Variants in HECTD4 observed in about 807,000 individuals in gnomAD.
The protein encoded by HECTD4 is probable E3 ubiquitin-protein ligase HECTD4.
Under a neutral mutation model 471.5 loss-of-function variants are expected in HECTD4, and 114 were observed. The ratio of observed to expected loss-of-function variants is 0.24; its 90% CI spans 0.21 to 0.28. The LOEUF is 0.28. Ranked by LOEUF, HECTD4 falls within the 10% of genes least tolerant of loss-of-function variation. The pLI is 1.00. For missense variants in HECTD4, 3,866 were observed against 5,651.5 expected (o/e 0.68, Z 10.13); for synonymous variants, 2,012 against 2,256.0 (o/e 0.89, Z 3.07).
At chr12:112,331,967 C>A (rs1005991390) in intron 1 of HECTD4, among the ~76,000 whole-genome samples, 5 of 151,888 alleles carry the variant, frequency 3.3e-5, no homozygotes, top group African/African-American at 1.2e-4. Flanking sequence ...AGAGTGTGTC[C>A]AGAAGAAGAT....
chr12:112,169,405 G>C (rs1253377527), intron 70 of HECTD4, 98 bp downstream of exon 70: 1 of 1,307,044 alleles, frequency 7.7e-7, no homozygotes, highest in African/African-American at 1.5e-5. Context: ...TGAGGATGTG[G>C]CTTTTACTCT....
intron 8 of HECTD4, among the ~76,000 whole-genome samples, chr12:112,280,117 A>G (rs1422915109): frequency 6.6e-6 from 1 of 152,198 alleles, no homozygotes; most frequent in East Asian, 1.9e-4. Context: ...AACTCATAAT[A>G]AACAGCTTTC....
At chr12:112,280,190 T>C (rs2034606545) in intron 8 of HECTD4, among the ~76,000 whole-genome samples, 1 of 152,214 alleles carries the variant, frequency 6.6e-6, no homozygotes, top group African/African-American at 2.4e-5. Context: ...CACAAAACAA[T>C]TTTATAGCTG....
chr12:112,239,253 G>GATTAC lies in HECTD4; in HGVS notation c.5106-22_5106-18dup. On this transcript the variant is annotated splice_polypyrimidine_tract_variant and intron_variant, in intron 33 of 75. Transcript: ENST00000682272. This position sits in a 1 kb window ranked among gnomAD's most constrained non-coding sequence, Gnocchi z 4.9. ...TCTTCGCTCCTGACAAAGGGTCATG[G>GATTAC]ATTACACTAGATAAACGTAACTGAC... The GATTAC allele has an allele frequency of 6.3e-7, 1 of 1,590,696 alleles. No homozygotes were observed. Among genetic ancestry groups the GATTAC allele is most frequent in the Non-Finnish European group, 8.6e-7 (1 of 1,167,838 alleles).
At position 112,163,772 on chromosome 12, in the gene HECTD4, C is replaced by T; in HGVS notation, c.12702-35G>A. On this transcript the variant is annotated intron_variant, in intron 73 of 75. Transcript: ENST00000682272. The surrounding 1 kb of genome is among the most constrained non-coding windows in gnomAD (Gnocchi z 8.2). ...TGAGGAGCACAGGTGAGGGAGAACACCGCCGAAGAGGCTGGGTCTGGGGGC... is the reference window on the plus strand; with the variant it reads ...TGAGGAGCACAGGTGAGGGAGAACATCGCCGAAGAGGCTGGGTCTGGGGGC... 7.0e-7 allele frequency: 1 copy of T among 1,418,530 alleles called. No individual in the cohort carries two copies. The highest frequency in any genetic ancestry group is 9.3e-7 in the Non-Finnish European group (1 of 1,080,356). 87.9% of individuals were successfully genotyped at this position (1,418,530 alleles called of 1,614,324 possible).
intron 1 of HECTD4, among the ~76,000 whole-genome samples, chr12:112,324,002 C>T (rs1379473730): frequency 1.4e-4 from 6 of 43,000 alleles, no homozygotes; most frequent in African/African-American, 1.3e-3. Flanking sequence ...TCCTTCCTTC[C>T]TTCCTTCCTT....
chr12:112,290,838 A>G (rs1335108934), intron 7 of HECTD4, among the ~76,000 whole-genome samples: 1 of 148,644 alleles, frequency 6.7e-6, no homozygotes, highest in African/African-American at 2.5e-5. Context: ...ACAAGAGCGA[A>G]ACTCCGTCTC....
Position 112,254,150 on chromosome 12 carries a change from C to T in HECTD4, c.3340G>A (p.Ala1114Thr), listed in dbSNP as rs1436305530. 1 of 1,613,696 alleles carries T rather than the reference C, an allele frequency of 6.2e-7. No homozygotes were observed. The highest frequency in any genetic ancestry group is 8.5e-7 in the Non-Finnish European group (1 of 1,179,798). ...QYDYDKLVIY[A>T]GPNTNSRKVA... ...TTCCTACTGTTTGTGTTAGGCCCCG[C>T]ATATATCACCAACTTCAAAACAGAA... is the stretch of plus-strand genomic sequence containing the variant. The change falls in exon 22 of 76, where the codon GCG becomes ACG. Residue 1114 changes from alanine to threonine, a missense_variant. Transcript: ENST00000682272.
chr12:112,208,759 T>G, intron 50 of HECTD4, 129 bp from the exon 51 acceptor site: 1 of 678,802 alleles, frequency 1.5e-6, no homozygotes, highest in Non-Finnish European at 2.2e-6. Flanking sequence ...CACTGAGGAA[T>G]GTTAAATCAC....
Position 112,193,068 on chromosome 12 carries a change from G to A in HECTD4, c.9079C>T (p.Arg3027Cys), listed in dbSNP as rs772567036. ...VSCKESQSGFRKDSSLYKAPW... is the reference protein window; with the variant it reads ...VSCKESQSGFCKDSSLYKAPW... ...TGAGAACAGGCAACTTACTCTTTGC[G>A]GAATCCAGATTGACTTTCTTTACAA... The change falls in exon 58 of 76, where the codon CGC becomes TGC. Residue 3027 changes from arginine to cysteine, a missense_variant. This residue lies in a region of HECTD4 where 364 missense variants were observed against 413.2 expected (regional missense o/e 0.88). Transcript: ENST00000682272. The surrounding 1 kb of genome is among the most constrained non-coding windows in gnomAD (Gnocchi z 5.2). 1.1e-5 allele frequency: 18 copies of A among 1,613,838 alleles called. No homozygotes were observed. The highest frequency in any genetic ancestry group is 6.7e-5 in the African/African-American group (5 of 74,898).
intron 40 of HECTD4, among the ~76,000 whole-genome samples, chr12:112,230,255 C>T (rs1009844823): frequency 2.0e-5 from 3 of 152,156 alleles, no homozygotes; most frequent in African/African-American, 4.8e-5. Context: ...CTTACAGATC[C>T]GTAGTTTCAG....
chr12:112,177,548 T>G (rs919806011), intron 64 of HECTD4, among the ~76,000 whole-genome samples: 7 of 152,050 alleles, frequency 4.6e-5, no homozygotes, highest in Admixed American at 2.0e-4. Flanking sequence ...CCCGGCTAAT[T>G]TTTTTGTATT....
Position 112,209,942 on chromosome 12 carries a change from T to C in HECTD4, c.7867+73A>G, listed in dbSNP as rs562255953. ...TTGTAATGAGGATGCTCAAGTGCAATGGGTTTATGGAATTCATAACATTCA... is the reference window on the plus strand; with the variant it reads ...TTGTAATGAGGATGCTCAAGTGCAACGGGTTTATGGAATTCATAACATTCA... On this transcript the variant is annotated intron_variant, in intron 50 of 75. Transcript: ENST00000682272. The C allele has an allele frequency of 6.1e-5, 76 of 1,251,224 alleles. No individual in the cohort carries two copies. The South Asian group carries it at 9.5e-4, about 16-fold the overall frequency. 77.5% of individuals were successfully genotyped at this position (1,251,224 alleles called of 1,614,324 possible).
rs1471451083 is a variant in HECTD4 at position 112,166,016 on chromosome 12, C to T, written c.12534+1301G>A. Among the ~76,000 whole-genome samples, 1 of 152,218 alleles carries T rather than the reference C, an allele frequency of 6.6e-6. No individual in the cohort carries two copies. The highest frequency in any genetic ancestry group is 1.5e-5 in the Non-Finnish European group (1 of 68,046). ...TCTTCCTAGTATGCACCCCACAACA[C>T]CATGTGGTTCTGCATCCCATACCCT... On this transcript the variant is annotated intron_variant, in intron 72 of 75. Coordinates refer to ENST00000682272, the MANE Select transcript of HECTD4 (RefSeq NM_001388303.1). The surrounding 1 kb of genome is among the most constrained non-coding windows in gnomAD (Gnocchi z 4.6).
Position 112,304,678 on chromosome 12 carries a change from T to TA in HECTD4, c.1335+1385dup, listed in dbSNP as rs60118511. Among the ~76,000 whole-genome samples, 328 of 133,758 alleles carry TA rather than the reference T, an allele frequency of 2.5e-3. 3 individuals are homozygous for TA. Among genetic ancestry groups the TA allele is most frequent in the African/African-American group, 6.6e-3 (241 of 36,262 alleles). The allele number at this position is 133,758 out of a possible 152,430, so 87.8% of individuals were successfully genotyped here. On this transcript the variant is annotated intron_variant, in intron 7 of 75. Transcript: ENST00000682272. ...CTGGTAAGTCTCTTTAAAAACCAAT[T>TA]AAAAAAAAAAAAAAGCTTTTCTGAC...
chr12:112,299,074 T>A (rs2035108475), intron 7 of HECTD4, among the ~76,000 whole-genome samples: 1 of 152,148 alleles, frequency 6.6e-6, no homozygotes. Context: ...TAAAAAGTTT[T>A]TCAATGATGA....
intron 22 of HECTD4, among the ~76,000 whole-genome samples, chr12:112,253,147 T>C (rs1238577926): frequency 6.6e-6 from 1 of 151,268 alleles, no homozygotes; most frequent in Admixed American, 6.6e-5. Flanking sequence ...TTTTTTGTAA[T>C]GGAGTTTCGT....
chr12:112,267,714 T>G (rs910708697), intron 13 of HECTD4, among the ~76,000 whole-genome samples: 1 of 152,216 alleles, frequency 6.6e-6, no homozygotes, highest in African/African-American at 2.4e-5. Context: ...AAAGTAAATT[T>G]CTAATTCTCA....
intron 1 of HECTD4, among the ~76,000 whole-genome samples, chr12:112,366,880 C>CAA (rs575561407): frequency 5.8e-5 from 4 of 68,650 alleles, no homozygotes; most frequent in Non-Finnish European, 8.8e-5. Flanking sequence ...AACTCTGTCT[C>CAA]AAAAAAAAAA....
Sources: allele counts gnomAD v4.1 joint callset (sites outside exome capture counted in the v4.1 genomes callset), GRCh38; gene constraint gnomAD v4.1.1; regional missense constraint gnomAD v4.1.1; non-coding constraint Gnocchi (gnomAD v3.1); transcripts MANE v1.5; gene names NCBI Gene and HGNC (gene_info 2026-07-23, HGNC 2026-07-21).